Variants in DGKB observed in about 807,000 individuals in gnomAD.
DGKB encodes the protein 90 kDa diacylglycerol kinase.
DGKB carries 67 observed loss-of-function variants against 114.3 expected under a neutral mutation model. The ratio of observed to expected loss-of-function variants is 0.59; its 90% CI spans 0.48 to 0.72. The LOEUF is 0.72. Ranked by LOEUF, DGKB falls within the 30% of genes least tolerant of loss-of-function variation. The pLI, the probability that DGKB is intolerant of heterozygous loss-of-function variation, is 0.00. For synonymous variants in DGKB, 398 were observed against 323.1 expected, an observed-to-expected ratio of 1.23 and a Z score of -2.49; for missense variants, 907 against 975.2, an observed-to-expected ratio of 0.93 and a Z score of 0.93.
chr7:14,429,910 G>T (rs1009317220), intron 21 of DGKB, among the ~76,000 whole-genome samples: 9 of 140,854 alleles, frequency 6.4e-5, no homozygotes, highest in Admixed American at 1.5e-4. Flanking sequence ...CTGGGCTACA[G>T]AGTGAGACTC....
At chr7:14,159,060 C>CT (rs1783468665) in intron 25 of DGKB, among the ~76,000 whole-genome samples, 1 of 152,126 alleles carries the variant, frequency 6.6e-6, no homozygotes, top group Non-Finnish European at 1.5e-5. Context: ...CCGTGCACAT[C>CT]TACTCACATC....
intron 1 of DGKB, among the ~76,000 whole-genome samples, chr7:14,878,866 C>T (rs1165687049): frequency 3.4e-5 from 5 of 148,850 alleles, no homozygotes; most frequent in African/African-American, 1.3e-4. Context: ...CTATTGAATC[C>T]ATTGCAAATC....
rs891581311 is a variant in DGKB at position 14,902,575 on chromosome 7, T to A, written c.-188+17A>T. 6.6e-6 allele frequency: 1 copy of A among 152,288 alleles called. No homozygotes were observed. Among genetic ancestry groups the A allele is most frequent in the African/African-American group, 2.4e-5 (1 of 41,446 alleles). The allele number at this position is 152,288 out of a possible 1,614,324, so 9.4% of individuals were successfully genotyped here. A position where few individuals can be genotyped will look rare whatever the true frequency, so the allele number is the denominator to read the frequency against. Reference sequence around the variant, plus strand: ...CAGAAGCCACTCAATTTGCCAACCATGTCCAGTTTAACTTACTGCAGTGTG... The same window carrying A: ...CAGAAGCCACTCAATTTGCCAACCAAGTCCAGTTTAACTTACTGCAGTGTG... On this transcript the variant is annotated intron_variant, in intron 1 of 25. Transcript: ENST00000402815.
At chr7:14,357,097 G>T (rs895198962) in intron 21 of DGKB, among the ~76,000 whole-genome samples, 2 of 152,148 alleles carry the variant, frequency 1.3e-5, no homozygotes, top group African/African-American at 4.8e-5. Flanking sequence ...AGAGTTCTGT[G>T]GATGTCTATT....
chr7:14,643,355 TC>T (rs200763203), intron 13 of DGKB, among the ~76,000 whole-genome samples: 28 of 98,836 alleles, frequency 2.8e-4, no homozygotes, highest in African/African-American at 7.4e-4. Flanking sequence ...ACTGTATTGT[TC>T]CAGAGAGGAA....
chr7:14,610,376 G>T (rs1805320212), intron 16 of DGKB, among the ~76,000 whole-genome samples: 1 of 152,022 alleles, frequency 6.6e-6, no homozygotes, highest in African/African-American at 2.4e-5. Flanking sequence ...GGGACTACCA[G>T]AGTGGGGAAG....
chr7:14,551,950 T>C (rs1203837599), intron 20 of DGKB, among the ~76,000 whole-genome samples: 1 of 152,182 alleles, frequency 6.6e-6, no homozygotes, highest in Non-Finnish European at 1.5e-5. Context: ...TTTGTGGATT[T>C]GGTTTATTAA....
chr7:14,909,301 C>CA (rs535529274), intron 1 of DGKB, among the ~76,000 whole-genome samples: 85 of 152,062 alleles, frequency 5.6e-4, no homozygotes, highest in African/African-American at 1.8e-3. Flanking sequence ...GTCAGATTCT[C>CA]AAAAAAACTC....
intron 2 of DGKB, among the ~76,000 whole-genome samples, chr7:14,840,727 C>CAT (rs1847812468): frequency 6.7e-6 from 1 of 148,364 alleles, no homozygotes; most frequent in Non-Finnish European, 1.5e-5. Context: ...CACACACACA[C>CAT]ACACACACAC....
intron 23 of DGKB, among the ~76,000 whole-genome samples, chr7:14,322,328 GAAAT>G (rs1807974179): frequency 6.6e-6 from 1 of 152,166 alleles, no homozygotes; most frequent in Non-Finnish European, 1.5e-5. Context: ...ACAGTGTTCA[GAAAT>G]AAATAAACTC....
chr7:14,599,471 C>A (rs1282332397), intron 17 of DGKB, among the ~76,000 whole-genome samples: 2 of 152,234 alleles, frequency 1.3e-5, no homozygotes, highest in African/African-American at 4.8e-5. Flanking sequence ...GCTCTCTCTG[C>A]CTTAAAAGCT....
intron 21 of DGKB, among the ~76,000 whole-genome samples, chr7:14,355,251 TAAG>T (rs1814225961): frequency 6.6e-6 from 1 of 152,126 alleles, no homozygotes; most frequent in South Asian, 2.1e-4. Context: ...TGTGAGAATA[TAAG>T]AATATAAAGT....
rs1811112538 is a variant in DGKB at position 14,638,266 on chromosome 7, A to C, written c.1135-7998T>G. On this transcript the variant is annotated intron_variant, in intron 13 of 25. Transcript: ENST00000402815. ...TTAGTAGTAACTATAAGAAGCTGCA[A>C]GAGCCATTCCGGAAACTAAATACAA... Among the ~76,000 whole-genome samples, 4 of 152,156 alleles carry C rather than the reference A, an allele frequency of 2.6e-5. No individual in the cohort carries two copies. In the South Asian group the frequency reaches 8.3e-4, roughly 31 times the overall value.
At chr7:14,175,702 C>T (rs1439941023) in intron 25 of DGKB, among the ~76,000 whole-genome samples, 4 of 152,028 alleles carry the variant, frequency 2.6e-5, no homozygotes, top group Admixed American at 6.6e-5. Flanking sequence ...AGCTCTTTAC[C>T]GTCAATTTTT....
intron 21 of DGKB, among the ~76,000 whole-genome samples, chr7:14,398,690 C>A (rs1371191010): frequency 6.6e-6 from 1 of 151,704 alleles, no homozygotes; most frequent in East Asian, 1.9e-4. Context: ...AGATTAGAAG[C>A]TCATCAAGGG....
intron 14 of DGKB, among the ~76,000 whole-genome samples, chr7:14,623,830 G>C (rs893678473): frequency 4.6e-5 from 7 of 152,058 alleles, no homozygotes; most frequent in African/African-American, 1.7e-4. Flanking sequence ...ATGTATATAG[G>C]AGTGAATTAT....
intron 1 of DGKB, among the ~76,000 whole-genome samples, chr7:14,925,215 A>G (rs147447385): frequency 0.014 from 2,142 of 152,312 alleles, 28 homozygotes; most frequent in Middle Eastern, 0.082. Flanking sequence ...GCCTATTACA[A>G]AGAAAGCTAC....
upstream of DGKB, chr7:14,903,295 G>A (rs1272756085): frequency 6.6e-6 from 1 of 151,432 alleles, no homozygotes; most frequent in East Asian, 2.0e-4. Context: ...CACCAGCCCT[G>A]CCTATCTCTG....
intron 7 of DGKB, among the ~76,000 whole-genome samples, chr7:14,698,464 C>A (rs1239674130): frequency 6.6e-6 from 1 of 152,030 alleles, no homozygotes; most frequent in Non-Finnish European, 1.5e-5. Flanking sequence ...AAAGCAGGAC[C>A]AAATACATAC....
Sources: allele counts gnomAD v4.1 joint callset (sites outside exome capture counted in the v4.1 genomes callset), GRCh38; gene constraint gnomAD v4.1.1; transcripts MANE v1.5; gene names NCBI Gene and HGNC (gene_info 2026-07-23, HGNC 2026-07-21).